PRKCZ: variants seen among roughly 807,000 people sequenced by gnomAD.
PRKCZ encodes the protein protein kinase C zeta.
Under a neutral mutation model 79.5 loss-of-function variants are expected in PRKCZ, and 33 were observed. That is an observed-to-expected ratio of 0.41 (90% CI 0.31 to 0.55). The LOEUF (loss-of-function observed/expected upper bound fraction) is 0.55. PRKCZ is among the 20% of genes least tolerant of loss of function. The pLI is 0.19. For missense variants in PRKCZ, 578 were observed against 813.5 expected, an observed-to-expected ratio of 0.71 and a Z score of 3.52; for synonymous variants, 342 against 320.9, an observed-to-expected ratio of 1.07 and a Z score of -0.70.
At chr1:2,157,712 GTT>G (rs71578360) in intron 10 of PRKCZ, among the ~76,000 whole-genome samples, 7 of 134,146 alleles carry the variant, frequency 5.2e-5, no homozygotes, top group Admixed American at 1.5e-4. Context: ...CGCCTCCAGA[GTT>G]TTTTTTTTTT....
intron 7 of PRKCZ, among the ~76,000 whole-genome samples, chr1:2,147,678 C>T (rs372050341): frequency 6.9e-6 from 1 of 145,368 alleles, no homozygotes; most frequent in African/African-American, 2.6e-5. Context: ...CTCCATCTGT[C>T]CATCTATCTG....
chr1:2,153,078 C>T (rs1680221471), intron 9 of PRKCZ, among the ~76,000 whole-genome samples: 1 of 152,196 alleles, frequency 6.6e-6, no homozygotes, highest in South Asian at 2.1e-4. Context: ...CCCACGCAGC[C>T]GCGCCGTTTC....
intron 4 of PRKCZ, among the ~76,000 whole-genome samples, chr1:2,069,852 TC>T (rs1661423792): frequency 6.6e-6 from 1 of 152,152 alleles, no homozygotes; most frequent in Admixed American, 6.5e-5. Context: ...GCTCTGGGGC[TC>T]CTAAGTGGGT....
At chr1:2,081,579 G>A (rs1238175748) in intron 4 of PRKCZ, among the ~76,000 whole-genome samples, 1 of 152,206 alleles carries the variant, frequency 6.6e-6, no homozygotes. Context: ...CCAGCATCAT[G>A]CCAAGGTGGT....
chr1:2,053,313 C>T (rs181042816), intron 1 of PRKCZ, among the ~76,000 whole-genome samples: 3 of 151,746 alleles, frequency 2.0e-5, no homozygotes, highest in Non-Finnish European at 4.4e-5. Context: ...GTTGGCCAGG[C>T]TGGTCTCGAA....
In PRKCZ at chr1:2,167,117, C is replaced by T. The variant is rs538784697; in HGVS notation, c.975-2401C>T. 8.7e-4 allele frequency among the ~76,000 whole-genome samples: 133 copies of T among 152,330 alleles called. 1 individual carries two copies. In the South Asian group the frequency reaches 0.026, roughly 30 times the overall value. On this transcript the variant is annotated intron_variant, in intron 10 of 17. Coordinates refer to ENST00000378567, the MANE Select transcript of PRKCZ (RefSeq NM_002744.6). ...TAAGGTTTTTCTGTAGACAAAAAAA[C>T]CCCACCATCATTGCAGCTTGAGCAG...
intron 9 of PRKCZ, among the ~76,000 whole-genome samples, chr1:2,155,625 AGTG>A (rs1375102403): frequency 7.1e-6 from 1 of 140,428 alleles, no homozygotes; most frequent in African/African-American, 2.7e-5. Context: ...TGATGATGAC[AGTG>A]GTGGTGAAGG....
chr1:2,103,887 G>A (rs939933955), intron 4 of PRKCZ, among the ~76,000 whole-genome samples: 1 of 152,202 alleles, frequency 6.6e-6, no homozygotes, highest in Admixed American at 6.5e-5. Context: ...GAAGGGCAAC[G>A]CGCCCCCGTT....
intron 5 of PRKCZ, 26 bp from the exon 6 acceptor site, chr1:2,144,180 CTGGG>C: frequency 1.3e-6 from 2 of 1,549,208 alleles, no homozygotes; most frequent in Non-Finnish European, 1.7e-6. Flanking sequence ...TCAGTGTGGC[CTGGG>C]CCTGACGCTC....
intron 4 of PRKCZ, among the ~76,000 whole-genome samples, chr1:2,064,096 C>T (rs1383697304): frequency 3.9e-5 from 6 of 152,244 alleles, no homozygotes; most frequent in Admixed American, 3.3e-4. Context: ...ATCCACCCAC[C>T]TCGGCCTCCC....
intron 4 of PRKCZ, among the ~76,000 whole-genome samples, chr1:2,106,992 T>G (rs1294702979): frequency 6.6e-6 from 1 of 152,242 alleles, no homozygotes; most frequent in African/African-American, 2.4e-5. Flanking sequence ...TCACTTGACT[T>G]CACCAAACGC....
intron 5 of PRKCZ, among the ~76,000 whole-genome samples, chr1:2,135,801 CGGCCACCCACGGGG>C (rs1676080057): frequency 6.6e-6 from 1 of 152,252 alleles, no homozygotes; most frequent in Non-Finnish European, 1.5e-5. Context: ...GTCTTCCCAG[CGGCCACCCACGGGG>C]GCCCTTTCCA....
chr1:2,108,537 C>T (rs1449410054), intron 4 of PRKCZ, among the ~76,000 whole-genome samples: 2 of 152,250 alleles, frequency 1.3e-5, no homozygotes, highest in Non-Finnish European at 2.9e-5. Flanking sequence ...GGAGGTTGGC[C>T]TCGCGCGGCC....
chr1:2,144,020 T>G (rs1185523062), intron 5 of PRKCZ, 190 bp from the exon 6 acceptor site: 1 of 735,162 alleles, frequency 1.4e-6, no homozygotes, highest in African/African-American at 1.8e-5. Flanking sequence ...TCCCCCAACC[T>G]TGGGATAGAC....
chr1:2,096,217 A>C (rs1373040686), intron 4 of PRKCZ, among the ~76,000 whole-genome samples: 1 of 151,510 alleles, frequency 6.6e-6, no homozygotes, highest in African/African-American at 2.4e-5. Flanking sequence ...TTGTGACTTC[A>C]TCCCTCCGAT....
chr1:2,125,065 T>A lies in PRKCZ; in HGVS notation c.335-10197T>A, dbSNP rs1673610411. 6.6e-6 allele frequency among the ~76,000 whole-genome samples: 1 copy of A among 152,076 alleles called. No individual in the cohort carries two copies. Among genetic ancestry groups the A allele is most frequent in the African/African-American group, 2.4e-5 (1 of 41,412 alleles). Reference sequence around the variant, plus strand: ...TGGCTCTGTGCCGGGCGCTGGGCAATCTCTGCCTCCAGCCTGGGCCTTTGG... The same window carrying A: ...TGGCTCTGTGCCGGGCGCTGGGCAAACTCTGCCTCCAGCCTGGGCCTTTGG... On this transcript the variant is annotated intron_variant, in intron 4 of 17. Transcript: ENST00000378567. The surrounding 1 kb of genome is among the most constrained non-coding windows in gnomAD (Gnocchi z 4.2).
chr1:2,146,092 C>T lies in PRKCZ; in HGVS notation c.618C>T (p.Ser206=). The change falls in exon 7 of 18, where the codon TCC becomes TCT. Residue 206 remains serine, a synonymous_variant. Transcript: ENST00000378567. ...AGAACGAGGACGCCGACCTTCCTTC[C>T]GAGGAGACAGATGGAAGTAGGCGCT... is the stretch of plus-strand genomic sequence containing the variant. ...DDKNEDADLP[S]EETDGIAYIS... 6.2e-7 allele frequency: 1 copy of T among 1,613,854 alleles called. No individual in the cohort carries two copies. The highest frequency in any genetic ancestry group is 2.2e-5 in the East Asian group (1 of 44,882).
intron 10 of PRKCZ, among the ~76,000 whole-genome samples, chr1:2,157,431 T>G (rs1043108840): frequency 6.6e-6 from 1 of 151,994 alleles, no homozygotes; most frequent in Non-Finnish European, 1.5e-5. Context: ...GCTTTTCTTG[T>G]TTTTGAGATG....
intron 4 of PRKCZ, among the ~76,000 whole-genome samples, chr1:2,098,917 G>A (rs1009507538): frequency 6.6e-6 from 1 of 152,128 alleles, no homozygotes; most frequent in African/African-American, 2.4e-5. Flanking sequence ...TCCTGACCTC[G>A]TGATCCACCC....
Sources: gnomAD v4.1 joint callset for allele counts (sites outside exome capture counted in the v4.1 genomes callset) on GRCh38, gnomAD v4.1.1 for gene constraint, Gnocchi (gnomAD v3.1) non-coding constraint, MANE v1.5 for transcripts, NCBI Gene and HGNC (gene_info 2026-07-23, HGNC 2026-07-21) for gene names.